The following ADGRE5 variants were observed in gnomAD, a reference collection of about 807,000 sequenced individuals.
The protein encoded by ADGRE5 is CD97 molecule.
A neutral mutation model predicts 100.3 loss-of-function variants in ADGRE5; 72 were observed. The ratio of observed to expected loss-of-function variants is 0.72; its 90% CI spans 0.59 to 0.87. The LOEUF (loss-of-function observed/expected upper bound fraction) is 0.87. Among genes scored for constraint, ADGRE5 ranks in the 40% least tolerant of loss-of-function variants. ADGRE5 has a pLI of 0.00. For missense variants in ADGRE5, 959 were observed against 1,094.7 expected (o/e 0.88, Z 1.75); for synonymous variants, 439 against 447.8 (o/e 0.98, Z 0.25).
Position 14,395,644 on chromosome 19 carries a change from C to G in ADGRE5, c.347-698C>G, listed in dbSNP as rs1975749432. 2.0e-5 allele frequency among the ~76,000 whole-genome samples: 3 copies of G among 152,246 alleles called. No individual in the cohort carries two copies. The South Asian group carries it at 6.2e-4, about 31-fold the overall frequency. On this transcript the variant is annotated intron_variant, in intron 4 of 19. Coordinates refer to ENST00000242786, the MANE Select transcript of ADGRE5 (RefSeq NM_078481.4). Reference sequence around the variant, plus strand: ...GGATTCTCACCAAATCCTGCTATTTCCATATCCATAGATCCTTTCCTGGGG... The same window carrying G: ...GGATTCTCACCAAATCCTGCTATTTGCATATCCATAGATCCTTTCCTGGGG...
At chr19:14,394,532 A>G (rs549324531) in intron 4 of ADGRE5, among the ~76,000 whole-genome samples, 67 of 152,230 alleles carry the variant, frequency 4.4e-4, no homozygotes, top group African/African-American at 1.4e-3. Context: ...GAAGCTCGGA[A>G]CATCCCCCTG....
chr19:14,394,720 C>G (rs889457538), intron 4 of ADGRE5, among the ~76,000 whole-genome samples: 1 of 152,248 alleles, frequency 6.6e-6, no homozygotes, highest in African/African-American at 2.4e-5. Context: ...TCAGCCACAC[C>G]TGGAACCCCT....
intron 6 of ADGRE5, 109 bp downstream of exon 6, chr19:14,397,332 C>A: frequency 1.3e-6 from 2 of 1,550,152 alleles, no homozygotes; most frequent in Non-Finnish European, 1.8e-6. Flanking sequence ...CCTGGCTGTG[C>A]CAGGCGTTCG....
intron 1 of ADGRE5, among the ~76,000 whole-genome samples, chr19:14,382,868 C>T (rs554481428): frequency 1.3e-5 from 2 of 152,096 alleles, no homozygotes; most frequent in East Asian, 1.9e-4. Context: ...AGGTGCCTGC[C>T]ACCATGCCCG....
chr19:14,399,668 G>A (rs901211484), intron 9 of ADGRE5, among the ~76,000 whole-genome samples: 32 of 150,232 alleles, frequency 2.1e-4, no homozygotes, highest in Middle Eastern at 3.4e-3. Context: ...ACTTGAACCC[G>A]GAGGCAGAGG....
intron 1 of ADGRE5, among the ~76,000 whole-genome samples, chr19:14,387,787 A>T (rs544738378): frequency 6.8e-6 from 1 of 147,070 alleles, no homozygotes; most frequent in East Asian, 2.1e-4. Flanking sequence ...TATTTTAAAA[A>T]TTTTGAGTCA....
chr19:14,405,621 C>G, intron 13 of ADGRE5, 127 bp from the exon 14 acceptor site: 1 of 699,264 alleles, frequency 1.4e-6, no homozygotes, highest in South Asian at 1.8e-5. Flanking sequence ...GTGGCCAGAT[C>G]TAGGAGGGAC....
At position 14,396,437 on chromosome 19, in the gene ADGRE5, T is replaced by G; in HGVS notation, c.442T>G (p.Phe148Val). The change falls in exon 5 of 20, where the codon TTC becomes GTC. Residue 148 changes from phenylalanine (F) to valine (V), a missense_variant. Transcript: ENST00000242786. ...GSYTCQCLPG[F>V]KFIPEDPKVC... is the part of the protein sequence containing the mutation. ...CTATACCTGCCAGTGCCTGCCTGGC[T>G]TCAAGTTCATACCTGAGGATCCGAA... 1 of 1,614,298 alleles carries G rather than the reference T, an allele frequency of 6.2e-7. No homozygotes were observed. The highest frequency in any genetic ancestry group is 8.5e-7 in the Non-Finnish European group (1 of 1,180,056).
chr19:14,406,343 T>G lies in ADGRE5; in HGVS notation c.1834T>G (p.Cys612Gly). 1 of 1,569,518 alleles carries G rather than the reference T, an allele frequency of 6.4e-7. No homozygotes were observed. The highest frequency in any genetic ancestry group is 8.6e-7 in the Non-Finnish European group (1 of 1,159,970). ...CCCCGCCCCGCAGGTGGGGCTGCGC[T>G]GCCGCCTGGTGGCCGGGCTGCTGCA... ...ENEGGQVGLR[C>G]RLVAGLLHYC... is the part of the protein sequence containing the mutation. Residue 612 changes from cysteine to glycine, a missense_variant, in exon 15 of 20, where the codon TGC becomes GGC. This residue lies in a region of ADGRE5 where 428 missense variants were observed against 386.2 expected (regional missense o/e 1.11). Coordinates refer to ENST00000242786, the MANE Select transcript of ADGRE5 (RefSeq NM_078481.4). The surrounding 1 kb of genome is among the most constrained non-coding windows in gnomAD (Gnocchi z 6.0).
chr19:14,387,086 C>T (rs1468238883), intron 1 of ADGRE5, among the ~76,000 whole-genome samples: 1 of 151,984 alleles, frequency 6.6e-6, no homozygotes, highest in Non-Finnish European at 1.5e-5. Context: ...TCAGGCACAC[C>T]GGACAGCAGT....
chr19:14,404,127 C>T (rs1256004903), intron 12 of ADGRE5, among the ~76,000 whole-genome samples: 2 of 152,098 alleles, frequency 1.3e-5, no homozygotes, highest in African/African-American at 2.4e-5. Flanking sequence ...GATCCGCCTG[C>T]CTCAGCCTCC....
rs1425616802 is a variant in ADGRE5, at chr19:14,408,689, T to C, written c.*568T>C. On this transcript the variant is annotated 3_prime_UTR_variant, in exon 20 of 20. Transcript: ENST00000242786. Reference sequence around the variant, plus strand: ...GTTTTTATCTGTTAAAATTTTTCAGTGTTGACACTTAAAATTAAACACATG... The same window carrying C: ...GTTTTTATCTGTTAAAATTTTTCAGCGTTGACACTTAAAATTAAACACATG... The C allele has an allele frequency of 1.8e-6, 1 of 549,430 alleles. No homozygotes were observed. Among genetic ancestry groups the C allele is most frequent in the East Asian group, 3.0e-5 (1 of 33,236 alleles). 34.0% of individuals were successfully genotyped at this position (549,430 alleles called of 1,614,324 possible). A position where few individuals can be genotyped will look rare whatever the true frequency, so the allele number is the denominator to read the frequency against.
rs1046818216 is a variant in ADGRE5 at position 14,388,891 on chromosome 19, G to T, written c.190+73G>T. The T allele has an allele frequency of 6.5e-6, 9 of 1,376,862 alleles. No individual in the cohort carries two copies. The South Asian group carries it at 1.0e-4, about 16-fold the overall frequency. 85.3% of individuals were successfully genotyped at this position (1,376,862 alleles called of 1,614,324 possible). ...ATTGCCCAGCCAGTGGGGGACAGAG[G>T]TTGTTGTGAGGGGCCACAGCCTTAC... On this transcript the variant is annotated intron_variant, in intron 3 of 19. Coordinates refer to ENST00000242786, the MANE Select transcript of ADGRE5 (RefSeq NM_078481.4).
Position 14,397,707 on chromosome 19 carries a change from C to G in ADGRE5, c.675C>G (p.Val225=), listed in dbSNP as rs773244080. The G allele has an allele frequency of 2.0e-6, 3 of 1,506,594 alleles. No individual in the cohort carries two copies. The highest frequency in any genetic ancestry group is 2.3e-5 in the East Asian group (1 of 43,878). The allele number at this position is 1,506,594 out of a possible 1,614,324, so 93.3% of individuals were successfully genotyped here. Residue 225 remains valine, a synonymous_variant, in exon 7 of 20, where the codon GTC becomes GTG. Transcript: ENST00000242786. The stretch of plus-strand genomic sequence containing the variant: ...AGCATCAGTGTGACAGCTCCACCGT[C>G]TGCTTCAACACCGTGGGTTCATACA... The part of the protein sequence containing the change: ...SGQHQCDSST[V]CFNTVGSYSC...
chr19:14,389,150 AGGGAGAGGAAGGGGAAGAGGGAGAGG>A (rs1401638542), intron 3 of ADGRE5, among the ~76,000 whole-genome samples: 26 of 112,594 alleles, frequency 2.3e-4, no homozygotes, highest in African/African-American at 5.0e-4. Flanking sequence ...TCTCAGGGAG[AGGGAGAGGAAGGGGAAGAGGGAGAGG>A]GGGAGAGGAA....
intron 1 of ADGRE5, 32 bp from the exon 2 acceptor site, chr19:14,388,418 C>G (rs1975437196): frequency 1.3e-6 from 2 of 1,511,692 alleles, no homozygotes. Context: ...CCCTGGGATC[C>G]CCTCTGACCC....
At chr19:14,385,010 C>CTTTTTTTT (rs56960989) in intron 1 of ADGRE5, among the ~76,000 whole-genome samples, 10 of 68,684 alleles carry the variant, frequency 1.5e-4, no homozygotes, top group East Asian at 5.0e-4. Context: ...GACTCTTGCT[C>CTTTTTTTT]TTTTTTTTTT....
In ADGRE5 at chr19:14,381,639, T is replaced by C. The variant is rs1339671557; in HGVS notation, c.22+94T>C. Reference sequence around the variant, plus strand: ...AAACGGGAGGCGCCGCTGGTGTCTGTGGGGCCTGCGATAGAGGAAGCCACA... The same window carrying C: ...AAACGGGAGGCGCCGCTGGTGTCTGCGGGGCCTGCGATAGAGGAAGCCACA... On this transcript the variant is annotated intron_variant, in intron 1 of 19. Transcript: ENST00000242786. The C allele has an allele frequency of 4.2e-6, 6 of 1,422,226 alleles. No homozygotes were observed. The East Asian group carries it at 9.8e-5, about 23-fold the overall frequency. The allele number at this position is 1,422,226 out of a possible 1,614,324, so 88.1% of individuals were successfully genotyped here. A position where few individuals can be genotyped will look rare whatever the true frequency, so the allele number is the denominator to read the frequency against.
At chr19:14,407,325 A>G in intron 18 of ADGRE5, 96 bp downstream of exon 18, 1 of 1,381,392 alleles carries the variant, frequency 7.2e-7, no homozygotes, top group South Asian at 1.2e-5. Flanking sequence ...GTTGGAGACC[A>G]GCCTGGGCAA....
Sources: gnomAD v4.1 joint callset for allele counts (sites outside exome capture counted in the v4.1 genomes callset) on GRCh38, gnomAD v4.1.1 for gene constraint, gnomAD v4.1.1 regional missense constraint, Gnocchi (gnomAD v3.1) non-coding constraint, MANE v1.5 for transcripts, NCBI Gene and HGNC (gene_info 2026-07-23, HGNC 2026-07-21) for gene names.